The following SUGCT variants were observed in gnomAD, a reference collection of about 807,000 sequenced individuals.
SUGCT encodes the protein succinyl-CoA:glutarate-CoA transferase, also known as succinyl-CoA:glutarate CoA-transferase.
SUGCT carries 41 observed loss-of-function variants against 55.0 expected under a neutral mutation model. The ratio of observed to expected loss-of-function variants is 0.74; its 90% CI spans 0.58 to 0.97. SUGCT has a LOEUF of 0.97. Ranked by LOEUF, SUGCT falls within the 50% of genes least tolerant of loss-of-function variation. The probability of loss-of-function intolerance (pLI) is 0.00; values close to 1 mark genes in which losing one functional copy is unlikely to be tolerated. For synonymous variants in SUGCT, 187 were observed against 200.4 expected (o/e 0.93, Z 0.56); for missense variants, 568 against 547.8 (o/e 1.04, Z -0.37).
chr7:40,428,612 A>G (rs920066785), intron 9 of SUGCT, among the ~76,000 whole-genome samples: 6 of 151,776 alleles, frequency 4.0e-5, no homozygotes, highest in African/African-American at 9.7e-5. Flanking sequence ...AACAACTTTA[A>G]TTGCATACTA....
chr7:40,639,756 G>T (rs981093653), intron 12 of SUGCT, among the ~76,000 whole-genome samples: 11 of 150,216 alleles, frequency 7.3e-5, no homozygotes, highest in African/African-American at 2.7e-4. Flanking sequence ...CAGGTGATCC[G>T]CCCACCTCGG....
intron 10 of SUGCT, among the ~76,000 whole-genome samples, chr7:40,451,395 C>T (rs1481766811): frequency 6.6e-6 from 1 of 152,154 alleles, no homozygotes; most frequent in Admixed American, 6.5e-5. Flanking sequence ...GAACAGTTTT[C>T]AACAAAGGTT....
chr7:40,566,194 T>G (rs983037687), intron 12 of SUGCT, among the ~76,000 whole-genome samples: 1 of 152,062 alleles, frequency 6.6e-6, no homozygotes, highest in African/African-American at 2.4e-5. Context: ...CAGAATATCA[T>G]TACCACACCA....
At position 40,144,460 on chromosome 7, in the gene SUGCT, A is replaced by G. The variant is rs543201844; in HGVS notation, c.100+9340A>G. Among the ~76,000 whole-genome samples, 81 of 152,014 alleles carry G rather than the reference A, an allele frequency of 5.3e-4. 2 individuals carry two copies. The South Asian group carries it at 0.015, about 28-fold the overall frequency. On this transcript the variant is annotated intron_variant, in intron 1 of 13. Transcript: ENST00000335693. ...GCGCTTTCTTGACTCAGGTGTGATGAGTCTATTCCCTTTCCCACTGTAAGA... is the reference window on the plus strand; with the variant it reads ...GCGCTTTCTTGACTCAGGTGTGATGGGTCTATTCCCTTTCCCACTGTAAGA...
At chr7:40,995,638 AT>A in the SUGCT span, among the ~76,000 whole-genome samples, 2 of 151,190 alleles carry the variant, frequency 1.3e-5, no homozygotes, top group Non-Finnish European at 2.9e-5. Flanking sequence ...TTACTTCAAT[AT>A]TTTTTTCTCA....
At chr7:40,486,926 A>G (rs971007523) in intron 11 of SUGCT, among the ~76,000 whole-genome samples, 1 of 151,702 alleles carries the variant, frequency 6.6e-6, no homozygotes, top group East Asian at 1.9e-4. Flanking sequence ...GGGTCTCACT[A>G]TGTTTCCCAG....
intron 1 of SUGCT, among the ~76,000 whole-genome samples, chr7:40,138,671 T>C (rs1430023627): frequency 2.6e-5 from 4 of 152,198 alleles, no homozygotes; most frequent in Admixed American, 2.0e-4. Context: ...TGTGATTTTT[T>C]TTGTCTTTTT....
At chr7:40,643,829 G>C (rs1278714322) in intron 12 of SUGCT, among the ~76,000 whole-genome samples, 1 of 152,194 alleles carries the variant, frequency 6.6e-6, no homozygotes, top group African/African-American at 2.4e-5. Flanking sequence ...CCTCCCAAAG[G>C]AAAGGGGGGA....
At chr7:40,339,663 GA>G (rs1213174954) in intron 9 of SUGCT, among the ~76,000 whole-genome samples, 1 of 152,220 alleles carries the variant, frequency 6.6e-6, no homozygotes, top group African/African-American at 2.4e-5. Context: ...GCTTGGCTAG[GA>G]AAGGGTATTC....
intron 12 of SUGCT, among the ~76,000 whole-genome samples, chr7:40,561,211 G>A (rs187681089): frequency 3.7e-4 from 56 of 152,268 alleles, no homozygotes; most frequent in Non-Finnish European, 4.4e-5. Context: ...ATGCCATGAC[G>A]CTATGTGTAG....
At chr7:40,179,483 G>C (rs2150702931) in intron 1 of SUGCT, among the ~76,000 whole-genome samples, 2 of 152,048 alleles carry the variant, frequency 1.3e-5, no homozygotes, top group Admixed American at 1.3e-4. Flanking sequence ...AGTGGAGACA[G>C]GGTTGGCCAG....
chr7:40,979,436 A>C, the SUGCT span: 58,138 of 152,176 alleles, frequency 0.38, 11,203 homozygotes, highest in South Asian at 0.42. Flanking sequence ...CTTACCAGAC[A>C]ACAGAAGGCC....
At chr7:40,444,987 G>C (rs963504698) in intron 9 of SUGCT, among the ~76,000 whole-genome samples, 2 of 152,080 alleles carry the variant, frequency 1.3e-5, no homozygotes, top group Non-Finnish European at 2.9e-5. Context: ...GTAATCATGT[G>C]GTTTTTGTCT....
intron 12 of SUGCT, among the ~76,000 whole-genome samples, chr7:40,525,041 C>G (rs562265814): frequency 6.6e-6 from 1 of 152,112 alleles, no homozygotes; most frequent in Non-Finnish European, 1.5e-5. Flanking sequence ...TAAGCAAAGA[C>G]CTTTGTTAAA....
At chr7:40,951,698 G>A in the SUGCT span, among the ~76,000 whole-genome samples, 234 of 151,910 alleles carry the variant, frequency 1.5e-3, 2 homozygotes, top group East Asian at 0.034. Flanking sequence ...TTCTGCCTTC[G>A]TTTTGTTATG....
rs182876521 is a variant in SUGCT, at chr7:40,188,260, C to A, written c.227-235C>A. Among the ~76,000 whole-genome samples the A allele has an allele frequency of 3.3e-3, 503 of 151,952 alleles. 6 individuals are homozygous for A. Among genetic ancestry groups the A allele is most frequent in the African/African-American group, 0.011 (455 of 41,452 alleles). ...ACCAGCCTGGCCAACATGGTGAAATCCTGTCTCTACTAAAAATACAAAAAT... is the reference window on the plus strand; with the variant it reads ...ACCAGCCTGGCCAACATGGTGAAATACTGTCTCTACTAAAAATACAAAAAT... On this transcript the variant is annotated intron_variant, in intron 3 of 13. Transcript: ENST00000335693.
intron 12 of SUGCT, among the ~76,000 whole-genome samples, chr7:40,701,870 T>C (rs1785185112): frequency 6.6e-6 from 1 of 152,048 alleles, no homozygotes; most frequent in South Asian, 2.1e-4. Flanking sequence ...AGACAGTGAG[T>C]GAAGGAGAGA....
chr7:40,674,470 GC>G (rs1193935192), intron 12 of SUGCT, among the ~76,000 whole-genome samples: 2 of 152,116 alleles, frequency 1.3e-5, no homozygotes, highest in African/African-American at 2.4e-5. Flanking sequence ...ATTTAAAAAG[GC>G]AAAACAGTTA....
At chr7:40,898,334 C>T in the SUGCT span, among the ~76,000 whole-genome samples, 2 of 152,162 alleles carry the variant, frequency 1.3e-5, no homozygotes, top group Non-Finnish European at 2.9e-5. Flanking sequence ...GTAAGACTCA[C>T]CGCGAAGGTC....
Sources: gnomAD v4.1 joint callset for allele counts (sites outside exome capture counted in the v4.1 genomes callset) on GRCh38, gnomAD v4.1.1 for gene constraint, MANE v1.5 for transcripts, NCBI Gene and HGNC (gene_info 2026-07-23, HGNC 2026-07-21) for gene names.